The following TLK1 variants were observed in gnomAD, a reference collection of about 807,000 sequenced individuals.
TLK1 encodes tousled like kinase 1.
A neutral mutation model predicts 105.3 loss-of-function variants in TLK1; 24 were observed. That is an observed-to-expected ratio of 0.23 (90% confidence interval 0.17 to 0.32). The LOEUF (loss-of-function observed/expected upper bound fraction) is 0.32. TLK1 is among the 10% of genes least tolerant of loss of function. TLK1 has a pLI of 1.00. For synonymous variants in TLK1, 321 were observed against 310.4 expected, an observed-to-expected ratio of 1.03 and a Z score of -0.36; for missense variants, 558 against 910.5, an observed-to-expected ratio of 0.61 and a Z score of 4.98.
intron 1 of TLK1, among the ~76,000 whole-genome samples, chr2:171,202,420 C>T (rs973882097): frequency 2.0e-5 from 3 of 151,240 alleles, no homozygotes; most frequent in African/African-American, 7.3e-5. Flanking sequence ...CCATTGCACT[C>T]CAGCGTGAGC....
chr2:171,169,187 C>T (rs569886154), intron 1 of TLK1, among the ~76,000 whole-genome samples: 1 of 152,020 alleles, frequency 6.6e-6, no homozygotes, highest in African/African-American at 2.4e-5. Context: ...TCTCTTTGTA[C>T]ACAAAGATAA....
At chr2:171,054,099 T>C in intron 7 of TLK1, 1 of 316,248 alleles carries the variant, frequency 3.2e-6, no homozygotes, top group African/African-American at 2.2e-5. Flanking sequence ...TAATTCAATA[T>C]ATCCGCTGCT....
In TLK1 at chr2:171,160,806, C is replaced by T. The variant is rs1254662155; in HGVS notation, c.-378G>A. On this transcript the variant is annotated 5_prime_UTR_variant, in exon 1 of 21. The change creates a new upstream start codon in the 5' untranslated region. Coordinates refer to ENST00000431350, the MANE Select transcript of TLK1 (RefSeq NM_012290.5). This position sits in a 1 kb window ranked among gnomAD's most constrained non-coding sequence, Gnocchi z 4.4. Reference sequence around the variant, plus strand: ...CTTCCGCGGGCGGAACCTGCCGGCACCTCTGCAGTGCGTCGGCCCCCGGCG... The same window carrying T: ...CTTCCGCGGGCGGAACCTGCCGGCATCTCTGCAGTGCGTCGGCCCCCGGCG... 2 of 379,398 alleles carry T rather than the reference C, an allele frequency of 5.3e-6. No homozygotes were observed. The highest frequency in any genetic ancestry group is 2.1e-5 in the African/African-American group (1 of 47,250). 23.5% of individuals were successfully genotyped at this position (379,398 alleles called of 1,614,324 possible). A position where few individuals can be genotyped will look rare whatever the true frequency, so the allele number is the denominator to read the frequency against.
At chr2:171,117,590 A>T (rs1199644499) in intron 2 of TLK1, 149 bp downstream of exon 2, 2 of 644,200 alleles carry the variant, frequency 3.1e-6, no homozygotes, top group African/African-American at 3.7e-5. Context: ...ATACTACATT[A>T]AAAACGCATT....
intron 5 of TLK1, 24 bp from the exon 6 acceptor site, chr2:171,056,590 T>C: frequency 1.3e-6 from 2 of 1,585,400 alleles, no homozygotes; most frequent in Non-Finnish European, 8.7e-7. Flanking sequence ...AAAGGAAGCA[T>C]TATTATTTAC....
At chr2:171,155,214 T>G (rs778541469) in intron 1 of TLK1, among the ~76,000 whole-genome samples, 1 of 152,182 alleles carries the variant, frequency 6.6e-6, no homozygotes, top group Non-Finnish European at 1.5e-5. Context: ...AATAAAAGAC[T>G]ATATAAACTA....
intron 17 of TLK1, 62 bp from the exon 18 acceptor site, chr2:171,006,344 TTTTAA>T: frequency 6.7e-7 from 1 of 1,492,940 alleles, no homozygotes; most frequent in Non-Finnish European, 8.9e-7. Flanking sequence ...CTTTAATAAC[TTTTAA>T]TTTTACTAGT....
In TLK1 at chr2:171,047,388, T is replaced by C. The variant is rs557261294; in HGVS notation, c.981-1026A>G. On this transcript the variant is annotated intron_variant, in intron 10 of 20. Coordinates refer to ENST00000431350, the MANE Select transcript of TLK1 (RefSeq NM_012290.5). ...GTTACAATACTTAGAGCAAGTCAAA[T>C]ATTTCATGCCCTCCTCTCCCCAACC... Among the ~76,000 whole-genome samples, 189 of 152,284 alleles carry C rather than the reference T, an allele frequency of 1.2e-3. 2 individuals carry two copies. The highest frequency in any genetic ancestry group is 2.4e-3 in the Non-Finnish European group (164 of 68,016).
Position 171,061,091 on chromosome 2 carries a change from T to C in TLK1, c.396A>G (p.Glu132=), listed in dbSNP as rs759702132. ...GRKRKAENQN[E]SSQGKSIGGR... The stretch of plus-strand genomic sequence containing the variant: ...ATGTTATGTGCTTACCCTGACTACT[T>C]TCATTCTGGTTTTCTGCTTTTCTCT... Residue 132 remains glutamate (E), a synonymous_variant, in exon 4 of 21, where the codon GAA becomes GAG. Transcript: ENST00000431350. The C allele has an allele frequency of 3.7e-6, 6 of 1,613,506 alleles. No individual in the cohort carries two copies. The highest frequency in any genetic ancestry group is 1.6e-4 in the Middle Eastern group (1 of 6,078).
intron 1 of TLK1, among the ~76,000 whole-genome samples, chr2:171,156,857 A>G (rs532164345): frequency 6.6e-6 from 1 of 152,242 alleles, no homozygotes; most frequent in South Asian, 2.1e-4. Context: ...TTGAGAAAGT[A>G]TCTCACTCTG....
chr2:171,176,925 C>T (rs1047082431), intron 1 of TLK1, among the ~76,000 whole-genome samples: 9 of 150,514 alleles, frequency 6.0e-5, no homozygotes, highest in African/African-American at 1.2e-4. Flanking sequence ...CTCCACCTCC[C>T]GGGTTCAAGC....
At chr2:171,129,969 G>A (rs932260894) in intron 1 of TLK1, among the ~76,000 whole-genome samples, 15 of 151,930 alleles carry the variant, frequency 9.9e-5, no homozygotes, top group African/African-American at 2.4e-4. Context: ...CCATATCCTC[G>A]TAAGATTCCT....
intron 1 of TLK1, among the ~76,000 whole-genome samples, chr2:171,128,007 T>C (rs1161199411): frequency 6.6e-6 from 1 of 152,174 alleles, no homozygotes; most frequent in African/African-American, 2.4e-5. Context: ...TTCAATTATA[T>C]AACCCTGTGG....
chr2:171,142,571 G>C (rs1411082353), intron 1 of TLK1, among the ~76,000 whole-genome samples: 1 of 152,096 alleles, frequency 6.6e-6, no homozygotes, highest in Non-Finnish European at 1.5e-5. Context: ...TCACCAGGTA[G>C]ATTTAAAAAA....
In TLK1 at chr2:171,047,605, C is replaced by T. The variant is rs187884193; in HGVS notation, c.981-1243G>A. Among the ~76,000 whole-genome samples, 6 of 152,152 alleles carry T rather than the reference C, an allele frequency of 3.9e-5. 1 individual carries two copies. Among genetic ancestry groups the T allele is most frequent in the East Asian group, 3.9e-4 (2 of 5,186 alleles). On this transcript the variant is annotated intron_variant, in intron 10 of 20. Transcript: ENST00000431350. ...GCAAAGTGAGAACAAGACTTTAATC[C>T]GGTTTTCATTTAGAAGCAGGAATAA...
chr2:171,081,967 T>A (rs1688773870), intron 3 of TLK1, among the ~76,000 whole-genome samples: 1 of 152,008 alleles, frequency 6.6e-6, no homozygotes, highest in African/African-American at 2.4e-5. Context: ...GAAAAAAGTC[T>A]ATACTAATCA....
intron 1 of TLK1, among the ~76,000 whole-genome samples, chr2:171,196,509 A>AT (rs1428477064): frequency 1.3e-5 from 2 of 152,098 alleles, no homozygotes; most frequent in Non-Finnish European, 2.9e-5. Context: ...ACTCATGGGG[A>AT]TTTTTTAAAA....
At position 170,993,715 on chromosome 2, in the gene TLK1, G is replaced by A; in HGVS notation, c.*65C>T. 2 of 980,396 alleles carry A rather than the reference G, an allele frequency of 2.0e-6. No homozygotes were observed. The highest frequency in any genetic ancestry group is 2.8e-6 in the Non-Finnish European group (2 of 716,220). 60.7% of individuals were successfully genotyped at this position (980,396 alleles called of 1,614,324 possible). ...AGAAAAAGAAAACAAACACTCAAAT[G>A]CTCTCAAACTTAAGTGTGCATCTGG... On this transcript the variant is annotated 3_prime_UTR_variant, in exon 21 of 21. Transcript: ENST00000431350.
chr2:171,002,594 TAC>T (rs1339139750), intron 18 of TLK1, among the ~76,000 whole-genome samples: 2 of 151,762 alleles, frequency 1.3e-5, no homozygotes, highest in Non-Finnish European at 2.9e-5. Context: ...AAAATCACAT[TAC>T]AGTCTGTGGG....
Sources: gnomAD v4.1 joint callset for allele counts (sites outside exome capture counted in the v4.1 genomes callset) on GRCh38, gnomAD v4.1.1 for gene constraint, Gnocchi (gnomAD v3.1) non-coding constraint, MANE v1.5 for transcripts, NCBI Gene and HGNC (gene_info 2026-07-23, HGNC 2026-07-21) for gene names.